Variants in TLN2 observed in about 807,000 individuals in gnomAD.
TLN2 encodes the protein talin 2.
A neutral mutation model predicts 294.7 loss-of-function variants in TLN2; 118 were observed. The ratio of observed to expected loss-of-function variants is 0.40; its 90% CI spans 0.34 to 0.47. The LOEUF (loss-of-function observed/expected upper bound fraction) is 0.47, where lower values mean the gene tolerates loss of function less well. Among genes scored for constraint, TLN2 ranks in the 20% least tolerant of loss-of-function variants. TLN2 has a pLI of 0.84. For missense variants in TLN2, 3,083 were observed against 3,282.2 expected (o/e 0.94, Z 1.48); for synonymous variants, 1,431 against 1,304.5 (o/e 1.10, Z -2.09).
chr15:62,401,865 A>G (rs1049671855), intron 1 of TLN2, among the ~76,000 whole-genome samples: 1 of 152,192 alleles, frequency 6.6e-6, no homozygotes, highest in African/African-American at 2.4e-5. Flanking sequence ...TAGACCACTG[A>G]TTCTAGACAA....
At chr15:62,534,111 TAGTGTGTAGGGATTTCTCCCCAC>T (rs540106216) in intron 1 of TLN2, among the ~76,000 whole-genome samples, 2,350 of 152,230 alleles carry the variant, frequency 0.015, 55 homozygotes, top group African/African-American at 0.051. Flanking sequence ...CTCCCAGGTC[TAGTGTGTAGGGATTTCTCCCCAC>T]AGTGTGTAGG....
chr15:62,776,390 G>A (rs1011116809), intron 42 of TLN2, among the ~76,000 whole-genome samples: 2 of 152,066 alleles, frequency 1.3e-5, no homozygotes, highest in African/African-American at 2.4e-5. Flanking sequence ...TTGAAGAGAC[G>A]TACATTTATT....
chr15:62,701,961 C>T (rs1386399653), intron 17 of TLN2, 31 bp from the exon 18 acceptor site: 1 of 1,611,016 alleles, frequency 6.2e-7, no homozygotes, highest in East Asian at 2.2e-5. Context: ...ATGTGCCCTC[C>T]TTTGATGGGG....
chr15:62,837,153 GT>G (rs2069773073), intron 57 of TLN2, among the ~76,000 whole-genome samples: 1 of 152,140 alleles, frequency 6.6e-6, no homozygotes, highest in Non-Finnish European at 1.5e-5. Context: ...CAGAATTCTT[GT>G]TGTATTGTGA....
intron 12 of TLN2, among the ~76,000 whole-genome samples, chr15:62,689,127 T>G (rs1390738385): frequency 6.6e-6 from 1 of 151,938 alleles, no homozygotes; most frequent in South Asian, 2.1e-4. Flanking sequence ...TAGAGTTTGT[T>G]TGCTTTGTGT....
chr15:62,830,863 C>T (rs1271300411), intron 54 of TLN2: 1 of 152,120 alleles, frequency 6.6e-6, no homozygotes, highest in East Asian at 1.9e-4. Flanking sequence ...ACTTTCTTAT[C>T]AGAGCAAATG....
At chr15:62,560,243 T>G (rs1183566459) in intron 1 of TLN2, among the ~76,000 whole-genome samples, 1 of 152,184 alleles carries the variant, frequency 6.6e-6, no homozygotes, top group Non-Finnish European at 1.5e-5. Flanking sequence ...CTCCGTGTTT[T>G]TTTGTTTGTT....
chr15:62,701,341 A>T, intron 17 of TLN2, 127 bp downstream of exon 17: 5 of 820,546 alleles, frequency 6.1e-6, no homozygotes, highest in Non-Finnish European at 7.5e-6. Context: ...AGGATAGTCT[A>T]AGGCACTTTT....
intron 1 of TLN2, among the ~76,000 whole-genome samples, chr15:62,469,337 A>G (rs2037336737): frequency 6.6e-6 from 1 of 152,240 alleles, no homozygotes; most frequent in Non-Finnish European, 1.5e-5. Flanking sequence ...GTGAATCAGA[A>G]GACAAAGTGT....
At chr15:62,788,395 G>A (rs2064848336) in intron 45 of TLN2, among the ~76,000 whole-genome samples, 1 of 152,188 alleles carries the variant, frequency 6.6e-6, no homozygotes, top group Admixed American at 6.5e-5. Context: ...TAGACTGTTG[G>A]TTCTGTTGTC....
intron 1 of TLN2, among the ~76,000 whole-genome samples, chr15:62,575,600 T>TAAAAAA (rs529499340): frequency 1.0e-5 from 1 of 96,346 alleles, no homozygotes; most frequent in African/African-American, 2.7e-5. Context: ...TGGAATCACT[T>TAAAAAA]AAAAAACACA....
At chr15:62,414,446 A>G (rs2033965169) in intron 1 of TLN2, among the ~76,000 whole-genome samples, 1 of 138,890 alleles carries the variant, frequency 7.2e-6, no homozygotes, top group African/African-American at 2.6e-5. Flanking sequence ...AGTGTAGTCC[A>G]GGACCAGTGG....
chr15:62,485,824 G>T (rs1343041786), intron 1 of TLN2, among the ~76,000 whole-genome samples: 1 of 152,174 alleles, frequency 6.6e-6, no homozygotes, highest in East Asian at 1.9e-4. Context: ...TGCGTGTCCA[G>T]TTGGCTTGGG....
At chr15:62,839,078 T>A in intron 58 of TLN2, 97 bp downstream of exon 58, 1 of 1,478,176 alleles carries the variant, frequency 6.8e-7, no homozygotes, top group Non-Finnish European at 9.2e-7. Flanking sequence ...AAAGTTTATT[T>A]CTTCCTCGTG....
intron 1 of TLN2, among the ~76,000 whole-genome samples, chr15:62,588,465 G>A (rs568173826): frequency 6.6e-6 from 1 of 150,792 alleles, no homozygotes; most frequent in East Asian, 2.0e-4. Context: ...GTAAAACCCC[G>A]TCTCTACTAA....
intron 52 of TLN2, among the ~76,000 whole-genome samples, chr15:62,817,461 T>G (rs1413005652): frequency 6.6e-6 from 1 of 152,182 alleles, no homozygotes; most frequent in Non-Finnish European, 1.5e-5. Flanking sequence ...TATAAAAGAT[T>G]ATAAGAGGAG....
At chr15:62,673,031 T>G (rs991063303) in intron 9 of TLN2, among the ~76,000 whole-genome samples, 2 of 151,900 alleles carry the variant, frequency 1.3e-5, no homozygotes, top group Non-Finnish European at 2.9e-5. Context: ...CCTAATTATA[T>G]GTAACATCCT....
chr15:62,760,680 C>G (rs1000887837), intron 37 of TLN2, among the ~76,000 whole-genome samples: 2 of 152,144 alleles, frequency 1.3e-5, no homozygotes, highest in Non-Finnish European at 2.9e-5. Flanking sequence ...TGTTGACCCT[C>G]TGTTAGCAGT....
At position 62,785,814 on chromosome 15, in the gene TLN2, A is replaced by G. The variant is rs554048757; in HGVS notation, c.5736+1924A>G. 7.2e-5 allele frequency among the ~76,000 whole-genome samples: 11 copies of G among 152,230 alleles called. No homozygotes were observed. The East Asian group carries it at 2.1e-3, about 29-fold the overall frequency. On this transcript the variant is annotated intron_variant, in intron 45 of 58. Transcript: ENST00000636159. Reference sequence around the variant, plus strand: ...CTTTCCACATGAGTTCTTGTAAGCTACCCACCCAACGTGTGAAACAAGCAG... The same window carrying G: ...CTTTCCACATGAGTTCTTGTAAGCTGCCCACCCAACGTGTGAAACAAGCAG...
Sources: gnomAD v4.1 joint callset for allele counts (sites outside exome capture counted in the v4.1 genomes callset) on GRCh38, gnomAD v4.1.1 for gene constraint, MANE v1.5 for transcripts, NCBI Gene and HGNC (gene_info 2026-07-23, HGNC 2026-07-21) for gene names.